ABCA12: variants seen among roughly 807,000 people sequenced by gnomAD.
The protein encoded by ABCA12 is glucosylceramide transporter ABCA12.
A neutral mutation model predicts 293.5 loss-of-function variants in ABCA12; 156 were observed. That is an observed-to-expected ratio of 0.53 (90% CI 0.47 to 0.61). ABCA12 has a LOEUF of 0.61. Ranked by LOEUF, ABCA12 falls within the 20% of genes least tolerant of loss-of-function variation. The pLI is 0.00. For synonymous variants in ABCA12, 1,063 were observed against 1,108.0 expected (o/e 0.96, Z 0.81); for missense variants, 2,797 against 3,090.2 (o/e 0.91, Z 2.25).
chr2:214,992,994 A>G (rs886456997), intron 23 of ABCA12, among the ~76,000 whole-genome samples: 3 of 152,228 alleles, frequency 2.0e-5, no homozygotes, highest in Admixed American at 6.5e-5. Flanking sequence ...GGAAAAAAAA[A>G]TTATAGCAAA....
intron 2 of ABCA12, among the ~76,000 whole-genome samples, chr2:215,067,481 T>C (rs1415378494): frequency 6.6e-6 from 1 of 152,200 alleles, no homozygotes; most frequent in Non-Finnish European, 1.5e-5. Flanking sequence ...AGATAGAGTG[T>C]TTAAGCAGGA....
intron 47 of ABCA12, chr2:214,947,964 G>T: frequency 3.9e-6 from 1 of 253,310 alleles, no homozygotes; most frequent in South Asian, 4.8e-5. Context: ...TGTCACAAAG[G>T]CTTTCAATCT....
rs776430659 is a variant in ABCA12 at position 215,052,513 on chromosome 2, G to A, written c.481C>T (p.Leu161Phe). The change falls in exon 5 of 53, where the codon CTC (leucine) becomes TTC (phenylalanine). Residue 161 changes from leucine to phenylalanine, a missense_variant. Physicochemically the swap from Leu to Phe is conservative, Grantham distance 22 (BLOSUM62 0). Transcript: ENST00000272895. Reference protein sequence around the residue: ...GTYTFNGSQVLARILGLEKLL... With the variant: ...GTYTFNGSQVFARILGLEKLL... ...TTTTCCAAGCCAAGAATTCGTGCGA[G>A]CACTTGACTGCCATTGAAAGTATAT... 6 of 1,612,576 alleles carry A rather than the reference G, an allele frequency of 3.7e-6. No individual in the cohort carries two copies. The highest frequency in any genetic ancestry group is 1.1e-5 in the South Asian group (1 of 91,056).
chr2:214,966,825 C>A, intron 39 of ABCA12, 23 bp downstream of exon 39: 1 of 1,605,662 alleles, frequency 6.2e-7, no homozygotes, highest in Non-Finnish European at 8.5e-7. Context: ...CAATACAGGA[C>A]ACTTTTGTGT....
At chr2:215,132,413 G>T (rs1198428731) in intron 1 of ABCA12, among the ~76,000 whole-genome samples, 2 of 151,730 alleles carry the variant, frequency 1.3e-5, no homozygotes, top group East Asian at 3.9e-4. Flanking sequence ...GTAAAGCTGG[G>T]TGCTTCCGTA....
intron 19 of ABCA12, among the ~76,000 whole-genome samples, chr2:215,006,867 C>CTTTTTTTTTTTTTT (rs371764502): frequency 1.5e-5 from 1 of 67,870 alleles, no homozygotes; most frequent in African/African-American, 5.4e-5. Flanking sequence ...AAATTCCTGC[C>CTTTTTTTTTTTTTT]TTTTTTTTTT....
intron 15 of ABCA12, among the ~76,000 whole-genome samples, chr2:215,014,658 T>C (rs1053806727): frequency 4.6e-5 from 7 of 152,150 alleles, no homozygotes; most frequent in African/African-American, 1.7e-4. Context: ...AAGCAAGGGA[T>C]ATGGTTAGGA....
Position 214,978,452 on chromosome 2 carries a change from C to A in ABCA12, c.4992G>T (p.Leu1664Phe). The change falls in exon 33 of 53, where the codon TTG (leucine) becomes TTT (phenylalanine). Residue 1664 changes from leucine to phenylalanine, a missense_variant. By Grantham distance (22) the Leu-to-Phe change is conservative. Coordinates refer to ENST00000272895, the MANE Select transcript of ABCA12 (RefSeq NM_173076.3). Reference sequence around the variant, plus strand: ...CACTATTTTTTTGTGACTCTTTGGTCAAGTTCAGAAAGACCTAGAAAGAGA... The same window carrying A: ...CACTATTTTTTTGTGACTCTTTGGTAAAGTTCAGAAAGACCTAGAAAGAGA... ...DTTVEEVFLN[L>F]TKESQKNSAM... 6.2e-7 allele frequency: 1 copy of A among 1,613,326 alleles called. No homozygotes were observed. The highest frequency in any genetic ancestry group is 1.1e-5 in the South Asian group (1 of 90,956).
At chr2:215,046,336 GT>G (rs962887073) in intron 6 of ABCA12, among the ~76,000 whole-genome samples, 3 of 149,136 alleles carry the variant, frequency 2.0e-5, no homozygotes, top group African/African-American at 2.5e-5. Flanking sequence ...TCTGAGTAAT[GT>G]TTTTTTTTCT....
chr2:215,076,301 G>A (rs1036156290), intron 2 of ABCA12, among the ~76,000 whole-genome samples: 12 of 152,142 alleles, frequency 7.9e-5, no homozygotes, highest in Admixed American at 1.3e-4. Context: ...GTCTCATTAA[G>A]GGGAAAAATA....
intron 2 of ABCA12, among the ~76,000 whole-genome samples, chr2:215,082,114 G>A (rs2948970): frequency 0.98 from 145,256 of 147,592 alleles, 71,514 homozygotes; most frequent in East Asian, 1. Flanking sequence ...GCACGATCTC[G>A]GCTCACTGCA....
rs200605087 is a variant in ABCA12, at chr2:214,943,399, A to AC, written c.7344-383dup. Among the ~76,000 whole-genome samples, 1,010 of 151,398 alleles carry AC rather than the reference A, an allele frequency of 6.7e-3. 19 individuals carry two copies. Among genetic ancestry groups the AC allele is most frequent in the African/African-American group, 0.023 (950 of 41,254 alleles). On this transcript the variant is annotated intron_variant, in intron 49 of 52. Coordinates refer to ENST00000272895, the MANE Select transcript of ABCA12 (RefSeq NM_173076.3). ...GGCTCAAGTGATCCTCCTGCCTTGG[A>AC]CCCCCACAAAGTGCAGGGATTACAG...
chr2:215,048,245 G>A (rs1447326592), intron 6 of ABCA12, among the ~76,000 whole-genome samples: 1 of 152,106 alleles, frequency 6.6e-6, no homozygotes, highest in Non-Finnish European at 1.5e-5. Flanking sequence ...AAACATTGTG[G>A]AAAACAGTGT....
chr2:214,957,184 C>A (rs538451223), intron 41 of ABCA12, among the ~76,000 whole-genome samples: 1 of 152,212 alleles, frequency 6.6e-6, no homozygotes, highest in Non-Finnish European at 1.5e-5. Context: ...ATTTCTAAAG[C>A]TTGGTTATCA....
Position 214,980,508 on chromosome 2 carries a change from T to C in ABCA12, c.4715A>G (p.Tyr1572Cys). The C allele has an allele frequency of 6.2e-7, 1 of 1,613,862 alleles. No individual in the cohort carries two copies. The highest frequency in any genetic ancestry group is 8.5e-7 in the Non-Finnish European group (1 of 1,179,964). Residue 1572 changes from tyrosine (Y) to cysteine (C), a missense_variant, in exon 31 of 53, where the codon TAT (tyrosine) becomes TGT (cysteine). Around this residue, in one of 3 missense-constraint regions of ABCA12, gnomAD observed 2,130 missense variants for 2,427.0 expected, o/e 0.88. Transcript: ENST00000272895. ...FYLKEAFGDG[Y>C]HLTLTKKKSP... is the part of the protein sequence containing the mutation. ...CTTCTTCTTGGTAAGCGTGAGGTGA[T>C]ACCCATCGCCAAAGGCTTCCTTGAG...
At chr2:214,960,211 C>A (rs1699075070) in intron 39 of ABCA12, among the ~76,000 whole-genome samples, 1 of 151,956 alleles carries the variant, frequency 6.6e-6, no homozygotes, top group African/African-American at 2.4e-5. Flanking sequence ...ACAACAAAAA[C>A]CAAGTTGATT....
intron 2 of ABCA12, among the ~76,000 whole-genome samples, chr2:215,072,135 C>A (rs1340508283): frequency 6.6e-6 from 1 of 152,134 alleles, no homozygotes; most frequent in Non-Finnish European, 1.5e-5. Context: ...AACGTTGGCA[C>A]CTGAATATGT....
rs767220429 is a variant in ABCA12 at position 215,018,089 on chromosome 2, T to G, written c.1701A>C (p.Glu567Asp). 1 of 1,614,080 alleles carries G rather than the reference T, an allele frequency of 6.2e-7. No homozygotes were observed. Among genetic ancestry groups the G allele is most frequent in the Middle Eastern group, 1.6e-4 (1 of 6,062 alleles). ...ACATTCCTGTTGTTCTCCTTAAATC[T>G]TCTTTCAGCTCTTCAACATTTTTAA... ...EMFKNVEELK[E>D]DLRRTTGMSN... Residue 567 changes from glutamate (E) to aspartate (D), a missense_variant, in exon 14 of 53, where the codon GAA becomes GAC. By Grantham distance (45) the Glu-to-Asp change is conservative. Coordinates refer to ENST00000272895, the MANE Select transcript of ABCA12 (RefSeq NM_173076.3).
In ABCA12 at chr2:215,054,586, C is replaced by A. The variant is rs757096575; in HGVS notation, c.396G>T (p.Arg132Ser). Reference sequence around the variant, plus strand: ...AAAATAGCTTACCTAGTGATGCATGCCTTCTTTCTGGAACTTGGGTGCTCT... The same window carrying A: ...AAAATAGCTTACCTAGTGATGCATGACTTCTTTCTGGAACTTGGGTGCTCT... ...SFQSTQVPER[R>S]HASLATVFPS... The change falls in exon 4 of 53, where the codon AGG (arginine) becomes AGT (serine). Residue 132 changes from arginine to serine, a missense_variant. By Grantham distance (110) the Arg-to-Ser change is moderately radical (BLOSUM62 -1). This residue lies in a region of ABCA12 where 656 missense variants were observed against 638.2 expected (regional missense o/e 1.03). Coordinates refer to ENST00000272895, the MANE Select transcript of ABCA12 (RefSeq NM_173076.3). The A allele has an allele frequency of 6.2e-7, 1 of 1,611,628 alleles. No individual in the cohort carries two copies. The highest frequency in any genetic ancestry group is 1.1e-5 in the South Asian group (1 of 91,060).
Sources: gnomAD v4.1 joint callset for allele counts (sites outside exome capture counted in the v4.1 genomes callset) on GRCh38, gnomAD v4.1.1 for gene constraint, gnomAD v4.1.1 regional missense constraint, MANE v1.5 for transcripts, NCBI Gene and HGNC (gene_info 2026-07-23, HGNC 2026-07-21) for gene names.